UNC45A: variants seen among roughly 807,000 people sequenced by gnomAD.
The protein encoded by UNC45A is unc-45 myosin chaperone A, also known as protein unc-45 homolog A.
A neutral mutation model predicts 103.2 loss-of-function variants in UNC45A; 78 were observed. That is an observed-to-expected ratio of 0.76 (90% CI 0.63 to 0.91). The LOEUF (loss-of-function observed/expected upper bound fraction) is 0.91. Ranked by LOEUF, UNC45A falls within the 40% of genes least tolerant of loss-of-function variation. The pLI is 0.00. For missense variants in UNC45A, 1,193 were observed against 1,224.8 expected, an observed-to-expected ratio of 0.97 and a Z score of 0.39; for synonymous variants, 495 against 504.6, an observed-to-expected ratio of 0.98 and a Z score of 0.25.
rs139324738 is a variant in UNC45A, at chr15:90,946,907, C to T, written c.1493C>T (p.Ala498Val). 76 of 1,400,188 alleles carry T rather than the reference C, an allele frequency of 5.4e-5. 1 individual carries two copies. Among genetic ancestry groups the T allele is most frequent in the East Asian group, 3.3e-4 (9 of 27,104 alleles). 86.7% of individuals were successfully genotyped at this position (1,400,188 alleles called of 1,614,324 possible). A position where few individuals can be genotyped will look rare whatever the true frequency, so the allele number is the denominator to read the frequency against. Reference protein sequence around the residue: ...CSEKDSIRIRALVGLCKLGSA... With the variant: ...CSEKDSIRIRVLVGLCKLGSA... ...GAGAAGGACAGCATCCGCATCCGGG[C>T]GCTAGTGGTGAGACGGTGGGCCTGG... is the stretch of plus-strand genomic sequence containing the variant. Residue 498 changes from alanine to valine, a missense_variant, in exon 10 of 20, where the codon GCG (alanine) becomes GTG (valine). By Grantham distance (64) the Ala-to-Val change is moderately conservative. Coordinates refer to ENST00000418476, the MANE Select transcript of UNC45A (RefSeq NM_018671.5).
In UNC45A at chr15:90,948,738, A is replaced by C. The variant is rs1383924113; in HGVS notation, c.1822A>C (p.Lys608Gln). The C allele has an allele frequency of 6.2e-7, 1 of 1,613,874 alleles. No individual in the cohort carries two copies. Among genetic ancestry groups the C allele is most frequent in the Non-Finnish European group, 8.5e-7 (1 of 1,179,984 alleles). ...NSYDYEEPDP[K>Q]MVELAKYAKQ... ...CTATGACTACGAGGAGCCCGACCCC[A>C]AGATGGTGGAGCTGGCCAAGTATGC... The change falls in exon 13 of 20, where the codon AAG becomes CAG. Residue 608 changes from lysine to glutamine, a missense_variant. Lys to Gln is a moderately conservative substitution (Grantham distance 53). Transcript: ENST00000418476.
chr15:90,951,065 T>A (rs1390862382), intron 17 of UNC45A, among the ~76,000 whole-genome samples: 1 of 152,196 alleles, frequency 6.6e-6, no homozygotes, highest in Admixed American at 6.5e-5. Context: ...TAGAGGGCAG[T>A]GGCATGATCT....
At chr15:90,931,684 C>T, upstream of UNC45A, 1 of 1,614,008 alleles carries the variant, frequency 6.2e-7, no homozygotes, top group Non-Finnish European at 8.5e-7. Context: ...TTTTCCCTTA[C>T]AGCCCATACG....
chr15:90,932,015 T>C, upstream of UNC45A: 1 of 1,613,954 alleles, frequency 6.2e-7, no homozygotes, highest in East Asian at 2.2e-5. Flanking sequence ...GGGCCCCTAA[T>C]CCCCATCCCA....
Position 90,953,814 on chromosome 15 carries a change from C to T in UNC45A, c.*98C>T, listed in dbSNP as rs2037071126. ...CTTTGGCTGGTGGTGGCTGGCATGC[C>T]CAATACTCTTGCCCATCCTCGCTTG... On this transcript the variant is annotated 3_prime_UTR_variant, in exon 20 of 20. Coordinates refer to ENST00000418476, the MANE Select transcript of UNC45A (RefSeq NM_018671.5). 9 of 1,496,530 alleles carry T rather than the reference C, an allele frequency of 6.0e-6. No individual in the cohort carries two copies. The highest frequency in any genetic ancestry group is 8.1e-6 in the Non-Finnish European group (9 of 1,111,196). 92.7% of individuals were successfully genotyped at this position (1,496,530 alleles called of 1,614,324 possible).
chr15:90,948,627 C>T, intron 12 of UNC45A, 27 bp from the exon 13 acceptor site: 1 of 1,610,770 alleles, frequency 6.2e-7, no homozygotes, highest in Non-Finnish European at 8.5e-7. Context: ...CCGGGATGCC[C>T]ATGTGAATTC....
upstream of UNC45A, chr15:90,932,633 G>C: frequency 1.3e-6 from 1 of 771,182 alleles, no homozygotes; most frequent in Non-Finnish European, 1.8e-6. Flanking sequence ...GATCGTGGAG[G>C]CTAATTCAGC....
chr15:90,935,308 G>C lies in UNC45A; in HGVS notation c.-17G>C. 2 of 1,599,402 alleles carry C rather than the reference G, an allele frequency of 1.3e-6. No individual in the cohort carries two copies. The highest frequency in any genetic ancestry group is 1.7e-6 in the Non-Finnish European group (2 of 1,175,278). The stretch of plus-strand genomic sequence containing the variant: ...CCAGAGACTGCGCCTGCGCGGGCAC[G>C]AGACAACCTCTCCGCGATGACTGTG... On this transcript the variant is annotated 5_prime_UTR_variant, in exon 1 of 20. Coordinates refer to ENST00000418476, the MANE Select transcript of UNC45A (RefSeq NM_018671.5).
chr15:90,953,151 A>T lies in UNC45A; in HGVS notation c.2422-4A>T. On this transcript the variant is annotated splice_region_variant and splice_polypyrimidine_tract_variant and intron_variant, in intron 18 of 19. Coordinates refer to ENST00000418476, the MANE Select transcript of UNC45A (RefSeq NM_018671.5). ...CTTGGTCCACTCCTCACATCTGGCC[A>T]CAGGTGCAGGACCTCTTCGAAGCCC... 3.1e-6 allele frequency: 5 copies of T among 1,613,274 alleles called. No homozygotes were observed. Among genetic ancestry groups the T allele is most frequent in the Non-Finnish European group, 4.2e-6 (5 of 1,179,556 alleles).
rs764562181 is a variant in UNC45A, at chr15:90,948,764, C to T, written c.1848C>T (p.Ala616=). The T allele has an allele frequency of 3.7e-6, 6 of 1,611,988 alleles. No individual in the cohort carries two copies. The highest frequency in any genetic ancestry group is 5.1e-6 in the Non-Finnish European group (6 of 1,179,362). ...AGATGGTGGAGCTGGCCAAGTATGCCAAGCAGCATGTGCCCGAGCAGCACC... is the reference window on the plus strand; with the variant it reads ...AGATGGTGGAGCTGGCCAAGTATGCTAAGCAGCATGTGCCCGAGCAGCACC... ...DPKMVELAKY[A]KQHVPEQHPK... Residue 616 remains alanine, a synonymous_variant, in exon 13 of 20, where the codon GCC becomes GCT. Transcript: ENST00000418476.
At chr15:90,932,717 C>T (rs2035849550), upstream of UNC45A, 1 of 400,576 alleles carries the variant, frequency 2.5e-6, no homozygotes, top group African/African-American at 2.1e-5. Flanking sequence ...GTGATGTGGA[C>T]AGCTGCCTTC....
At chr15:90,935,162 G>GCGCCC, upstream of UNC45A, 1 of 687,746 alleles carries the variant, frequency 1.5e-6, no homozygotes, top group Non-Finnish European at 2.5e-6. Flanking sequence ...CCAGAGCCAA[G>GCGCCC]CGCCCCGCCC....
intron 6 of UNC45A, among the ~76,000 whole-genome samples, chr15:90,941,302 A>G (rs778138051): frequency 1.1e-4 from 16 of 152,146 alleles, no homozygotes; most frequent in Non-Finnish European, 1.9e-4. Context: ...CAGTGCAGCA[A>G]TAACAGTCCT....
chr15:90,943,302 A>G (rs1275344437), intron 8 of UNC45A, among the ~76,000 whole-genome samples: 2 of 151,902 alleles, frequency 1.3e-5, no homozygotes, highest in Admixed American at 6.6e-5. Flanking sequence ...GGTGGTGTGC[A>G]TCGGCAGTCC....
intron 18 of UNC45A, 52 bp downstream of exon 18, chr15:90,953,098 G>C (rs1453192494): frequency 2.5e-6 from 4 of 1,613,236 alleles, no homozygotes; most frequent in Non-Finnish European, 3.4e-6. Flanking sequence ...AGGTACCTGT[G>C]CCCTGGCTGG....
At chr15:90,942,767 G>T in intron 7 of UNC45A, 145 bp from the exon 8 acceptor site, 3 of 1,476,008 alleles carry the variant, frequency 2.0e-6, no homozygotes, top group Non-Finnish European at 2.8e-6. Flanking sequence ...CAACCAAGGT[G>T]CCTCAGGACA....
Position 90,946,664 on chromosome 15 carries a change from C to G in UNC45A, c.1250C>G (p.Thr417Arg), listed in dbSNP as rs199668693. ...GLAGKLRAIQ[T>R]VSCLLQGPCD... ...GCCGGGAAGCTACGGGCCATCCAGA[C>G]GGTGTCCTGCCTCCTGCAGGGCCCA... The change falls in exon 10 of 20, where the codon ACG (threonine) becomes AGG (arginine). Residue 417 changes from threonine (T) to arginine (R), a missense_variant. By Grantham distance (71) the Thr-to-Arg change is moderately conservative. Coordinates refer to ENST00000418476, the MANE Select transcript of UNC45A (RefSeq NM_018671.5). 2 of 1,612,074 alleles carry G rather than the reference C, an allele frequency of 1.2e-6. No individual in the cohort carries two copies. Among genetic ancestry groups the G allele is most frequent in the Non-Finnish European group, 1.7e-6 (2 of 1,179,890 alleles).
chr15:90,943,205 T>C, intron 8 of UNC45A, 123 bp downstream of exon 8: 1 of 1,225,360 alleles, frequency 8.2e-7, no homozygotes, highest in Non-Finnish European at 1.1e-6. Flanking sequence ...AGGCAGGGGG[T>C]CACTTGAAGC....
chr15:90,942,386 G>A, intron 6 of UNC45A, 51 bp from the exon 7 acceptor site: 1 of 1,553,580 alleles, frequency 6.4e-7, no homozygotes, highest in Non-Finnish European at 8.7e-7. Context: ...GATCTCTGTG[G>A]CTGCCCTTCA....
Sources: gnomAD v4.1 joint callset for allele counts (sites outside exome capture counted in the v4.1 genomes callset) on GRCh38, gnomAD v4.1.1 for gene constraint, MANE v1.5 for transcripts, NCBI Gene and HGNC (gene_info 2026-07-23, HGNC 2026-07-21) for gene names.